The following PCDH15 variants were observed in gnomAD, a reference collection of about 807,000 sequenced individuals.
PCDH15 encodes protocadherin-15.
In PCDH15, 129 loss-of-function variants were observed where a neutral mutation model predicts 178.5. The observed-to-expected ratio is 0.72, with a 90% CI of 0.63 to 0.84. PCDH15 has a LOEUF of 0.84. Ranked by LOEUF, PCDH15 falls within the 40% of genes least tolerant of loss-of-function variation. The pLI, the probability that PCDH15 is intolerant of heterozygous loss-of-function variation, is 0.00. For missense variants in PCDH15, 2,230 were observed against 2,099.9 expected (o/e 1.06, Z -1.21); for synonymous variants, 800 against 732.0 (o/e 1.09, Z -1.50).
At chr10:54,426,315 C>T (rs1272719707) in intron 3 of PCDH15, among the ~76,000 whole-genome samples, 6 of 152,120 alleles carry the variant, frequency 3.9e-5, no homozygotes, top group Non-Finnish European at 8.8e-5. Context: ...GGGAAGGTTT[C>T]GGGATGAAAC....
chr10:55,036,872 G>C lies in PCDH15; in HGVS notation c.-80+129704C>G, dbSNP rs939654978. Among the ~76,000 whole-genome samples the C allele has an allele frequency of 2.6e-5, 4 of 152,108 alleles. No individual in the cohort carries two copies. In the East Asian group the frequency reaches 5.8e-4, roughly 22 times the overall value. On this transcript the variant is annotated intron_variant, in intron 2 of 5. Transcript: ENST00000458638. ...ATTGTATAAAATTCACCTTGTATGA[G>C]AGAAATTAAAAGGCACTTTATCTGT...
intron 6 of PCDH15, among the ~76,000 whole-genome samples, chr10:54,346,140 C>G (rs1943241681): frequency 6.6e-6 from 1 of 152,050 alleles, no homozygotes; most frequent in African/African-American, 2.4e-5. Flanking sequence ...GCATATTATA[C>G]CTATGAATAT....
intron 2 of PCDH15, chr10:54,575,314 GA>G (rs1204329194): frequency 6.6e-6 from 1 of 152,520 alleles, no homozygotes; most frequent in African/African-American, 2.4e-5. Context: ...AAAAAAAACT[GA>G]AATTGGCCTG....
At chr10:54,404,474 A>T (rs1193877946) in intron 3 of PCDH15, among the ~76,000 whole-genome samples, 1 of 152,156 alleles carries the variant, frequency 6.6e-6, no homozygotes, top group African/African-American at 2.4e-5. Flanking sequence ...CATATGCAGA[A>T]GATTAAAACT....
intron 2 of PCDH15, among the ~76,000 whole-genome samples, chr10:54,932,631 A>C (rs559416190): frequency 3.3e-5 from 5 of 152,128 alleles, no homozygotes; most frequent in Admixed American, 2.0e-4. Context: ...GCTCACTGCA[A>C]AATCAAGCAA....
chr10:54,927,821 G>T (rs1273678976), intron 2 of PCDH15, among the ~76,000 whole-genome samples: 1 of 151,888 alleles, frequency 6.6e-6, no homozygotes, highest in Non-Finnish European at 1.5e-5. Context: ...CTTTGAGCCT[G>T]TGGGTATCAC....
chr10:54,339,234 G>A (rs2134043500), intron 6 of PCDH15, among the ~76,000 whole-genome samples: 1 of 152,206 alleles, frequency 6.6e-6, no homozygotes, highest in East Asian at 1.9e-4. Context: ...AGTGTAATTT[G>A]TGTGTGGCCC....
intron 2 of PCDH15, among the ~76,000 whole-genome samples, chr10:55,587,943 C>A (rs575729499): frequency 6.6e-6 from 1 of 152,194 alleles, no homozygotes; most frequent in African/African-American, 2.4e-5. Context: ...AGAAAGAAAG[C>A]AGAGCAAATG....
intron 15 of PCDH15, among the ~76,000 whole-genome samples, chr10:54,106,499 T>C (rs2094920036): frequency 6.6e-6 from 1 of 152,182 alleles, no homozygotes; most frequent in Admixed American, 6.5e-5. Flanking sequence ...AATGTTAACA[T>C]AGGTGGATCC....
chr10:54,113,423 A>G (rs2095059744), intron 15 of PCDH15, among the ~76,000 whole-genome samples: 1 of 152,168 alleles, frequency 6.6e-6, no homozygotes, highest in Admixed American at 6.6e-5. Flanking sequence ...CAGTGGCCTC[A>G]CTACAGCAGT....
intron 18 of PCDH15, among the ~76,000 whole-genome samples, chr10:54,027,396 C>G (rs1189999465): frequency 6.6e-6 from 1 of 152,114 alleles, no homozygotes; most frequent in Non-Finnish European, 1.5e-5. Flanking sequence ...ATGCCATCCC[C>G]ATCAAGCTAC....
intron 2 of PCDH15, among the ~76,000 whole-genome samples, chr10:55,408,761 C>T (rs1176058453): frequency 2.0e-5 from 3 of 152,072 alleles, no homozygotes; most frequent in African/African-American, 7.2e-5. Context: ...GTAGTTTCGT[C>T]TAGTCTCATT....
chr10:54,890,433 TA>T (rs1954440418), intron 3 of PCDH15, among the ~76,000 whole-genome samples: 2 of 151,996 alleles, frequency 1.3e-5, no homozygotes, highest in Non-Finnish European at 2.9e-5. Context: ...TAAAATGTAA[TA>T]AAAAATATAA....
At chr10:54,541,790 G>A (rs11004359) in intron 2 of PCDH15, among the ~76,000 whole-genome samples, 19,065 of 152,092 alleles carry the variant, frequency 0.13, 1,621 homozygotes, top group East Asian at 0.36. Context: ...TCTTAATGAG[G>A]AGGCTCAGAG....
chr10:54,990,552 C>T (rs887704879), intron 2 of PCDH15, among the ~76,000 whole-genome samples: 2 of 152,240 alleles, frequency 1.3e-5, no homozygotes, highest in South Asian at 4.1e-4. Flanking sequence ...TTGGTTACCA[C>T]TTTTTCAAAC....
In PCDH15 at chr10:54,847,213, GCTAT is replaced by G. The variant is rs529789463; in HGVS notation, c.-29+50233_-29+50236del. Among the ~76,000 whole-genome samples the G allele has an allele frequency of 2.7e-3, 413 of 152,130 alleles. 1 individual carries two copies. Among genetic ancestry groups the G allele is most frequent in the African/African-American group, 9.6e-3 (398 of 41,502 alleles). On this transcript the variant is annotated intron_variant, in intron 3 of 5. Coordinates refer to the PCDH15 transcript ENST00000458638. ...GACTAAATCAATTTGCTTGCTTTCTGCTATCTTTTAATCTAAGTAGCACTGTCCT... is the reference window on the plus strand; with the variant it reads ...GACTAAATCAATTTGCTTGCTTTCTGCTTTTAATCTAAGTAGCACTGTCCT...
Position 54,022,923 on chromosome 10 carries a change from A to C in PCDH15, c.2495T>G (p.Leu832Trp), listed in dbSNP as rs1450289330. The change falls in exon 19 of 38, where the codon TTG becomes TGG. Residue 832 changes from leucine to tryptophan, a missense_variant. Leu to Trp is a moderately conservative substitution (Grantham distance 61, BLOSUM62 -2). Transcript: ENST00000644397. ...TTGAAGGATGGTAGTCCCAGCTGGCAAATTCTCTTCAACAAGGACAGTGTA... is the reference window on the plus strand; with the variant it reads ...TTGAAGGATGGTAGTCCCAGCTGGCCAATTCTCTTCAACAAGGACAGTGTA... ...STYTVLVEEN[L>W]PAGTTILQIE... The C allele has an allele frequency of 5.6e-6, 9 of 1,613,908 alleles. No homozygotes were observed. The South Asian group carries it at 9.9e-5, about 18-fold the overall frequency.
rs569214995 is a variant in PCDH15 at position 54,134,481 on chromosome 10, C to T, written c.1785-1474G>A. The stretch of plus-strand genomic sequence containing the variant: ...TTTTGAAAGAAATTCAGGCTGGGCA[C>T]GGTGGCTCACACCTGTAATCCCAGC... On this transcript the variant is annotated intron_variant, in intron 14 of 37. Transcript: ENST00000644397. 2.3e-4 allele frequency among the ~76,000 whole-genome samples: 35 copies of T among 152,112 alleles called. 1 individual carries two copies. In the South Asian group the frequency reaches 3.5e-3, roughly 15 times the overall value.
chr10:55,412,468 G>T (rs1404386650), intron 2 of PCDH15, among the ~76,000 whole-genome samples: 1 of 151,866 alleles, frequency 6.6e-6, no homozygotes, highest in African/African-American at 2.4e-5. Context: ...AGTGTGGCTA[G>T]GTAGTGAACA....
Sources: allele counts gnomAD v4.1 joint callset (sites outside exome capture counted in the v4.1 genomes callset), GRCh38; gene constraint gnomAD v4.1.1; transcripts MANE v1.5; gene names NCBI Gene and HGNC (gene_info 2026-07-23, HGNC 2026-07-21).